FRMD4B: variants seen among roughly 807,000 people sequenced by gnomAD.
The protein encoded by FRMD4B is FERM domain-containing protein 4B.
A neutral mutation model predicts 141.5 loss-of-function variants in FRMD4B; 74 were observed. The ratio of observed to expected loss-of-function variants is 0.52; its 90% CI spans 0.43 to 0.63. The LOEUF (loss-of-function observed/expected upper bound fraction) is 0.63, where lower values mean the gene tolerates loss of function less well. FRMD4B is among the 30% of genes least tolerant of loss of function. FRMD4B has a pLI of 0.00. For synonymous variants in FRMD4B, 506 were observed against 467.9 expected (o/e 1.08, Z -1.05); for missense variants, 1,366 against 1,253.4 (o/e 1.09, Z -1.36).
intron 7 of FRMD4B, among the ~76,000 whole-genome samples, chr3:69,246,133 G>A (rs1364887007): frequency 6.6e-6 from 1 of 152,106 alleles, no homozygotes; most frequent in Non-Finnish European, 1.5e-5. Flanking sequence ...CACTGTGCTC[G>A]GCACCCGGCG....
chr3:69,259,897 T>G (rs9872985), intron 5 of FRMD4B, among the ~76,000 whole-genome samples: 1 of 152,164 alleles, frequency 6.6e-6, no homozygotes, highest in Non-Finnish European at 1.5e-5. Flanking sequence ...GCTCAAGAGA[T>G]CCTTTGGCCA....
intron 1 of FRMD4B, among the ~76,000 whole-genome samples, chr3:69,380,209 T>G (rs1333944802): frequency 6.6e-6 from 1 of 152,176 alleles, no homozygotes; most frequent in Admixed American, 6.5e-5. Context: ...TAAAAGAGCA[T>G]GTGCTCTACC....
chr3:69,259,225 A>G (rs2093511312), intron 5 of FRMD4B, among the ~76,000 whole-genome samples: 1 of 152,190 alleles, frequency 6.6e-6, no homozygotes, highest in African/African-American at 2.4e-5. Flanking sequence ...GCAGTTCACA[A>G]TAGGGTTTAT....
chr3:69,265,877 C>A (rs113301042), intron 5 of FRMD4B, among the ~76,000 whole-genome samples: 2 of 152,130 alleles, frequency 1.3e-5, no homozygotes, highest in African/African-American at 4.8e-5. Context: ...TTAGAGAAAG[C>A]CTGGACTGTC....
At chr3:69,409,871 C>T (rs1183234380) in intron 2 of FRMD4B, among the ~76,000 whole-genome samples, 1 of 152,206 alleles carries the variant, frequency 6.6e-6, no homozygotes, top group African/African-American at 2.4e-5. Flanking sequence ...TCAGAGAACA[C>T]TGGCAGCCTC....
At chr3:69,271,352 C>T (rs940022254) in intron 5 of FRMD4B, among the ~76,000 whole-genome samples, 1 of 152,180 alleles carries the variant, frequency 6.6e-6, no homozygotes. Flanking sequence ...TTGTCCTCTG[C>T]TTTATGACTA....
chr3:69,437,273 T>C (rs1242268159), intron 1 of FRMD4B, among the ~76,000 whole-genome samples: 4 of 151,932 alleles, frequency 2.6e-5, no homozygotes. Context: ...GGTCTCACTA[T>C]GTTGCTCAGG....
intron 1 of FRMD4B, among the ~76,000 whole-genome samples, chr3:69,355,973 T>C (rs941093909): frequency 3.3e-5 from 5 of 151,946 alleles, no homozygotes; most frequent in African/African-American, 9.7e-5. Context: ...TGCAGTGAGC[T>C]GAGATCACAC....
At position 69,193,634 on chromosome 3, in the gene FRMD4B, T is replaced by G. The variant is rs760706533; in HGVS notation, c.1714+14A>C. ...GTAGGGGACTCAAAAAAAAAAACCT[T>G]ACTTATTACTAACCTGGTAACACTG... On this transcript the variant is annotated intron_variant, in intron 17 of 22. Coordinates refer to ENST00000398540, the MANE Select transcript of FRMD4B (RefSeq NM_015123.3). 17 of 1,524,342 alleles carry G rather than the reference T, an allele frequency of 1.1e-5. No homozygotes were observed. The East Asian group carries it at 3.6e-4, about 32-fold the overall frequency. 94.4% of individuals were successfully genotyped at this position (1,524,342 alleles called of 1,614,324 possible). A position where few individuals can be genotyped will look rare whatever the true frequency, so the allele number is the denominator to read the frequency against.
chr3:69,446,148 C>T (rs1705407517), intron 1 of FRMD4B, among the ~76,000 whole-genome samples: 1 of 152,002 alleles, frequency 6.6e-6, no homozygotes, highest in Non-Finnish European at 1.5e-5. Context: ...CTGCCTCAGC[C>T]TCCTGAGTAG....
At chr3:69,482,506 A>G (rs1706141806) in intron 1 of FRMD4B, among the ~76,000 whole-genome samples, 1 of 152,166 alleles carries the variant, frequency 6.6e-6, no homozygotes, top group Non-Finnish European at 1.5e-5. Flanking sequence ...GAGAGGGGGA[A>G]TGGGGAGAAA....
intron 1 of FRMD4B, among the ~76,000 whole-genome samples, chr3:69,476,372 A>T (rs999028634): frequency 6.6e-6 from 1 of 152,104 alleles, no homozygotes; most frequent in Admixed American, 6.5e-5. Context: ...TCTTGAATTA[A>T]TTTTTTTATA....
intron 1 of FRMD4B, among the ~76,000 whole-genome samples, chr3:69,511,304 G>T (rs901341886): frequency 1.3e-5 from 2 of 151,936 alleles, no homozygotes; most frequent in Non-Finnish European, 2.9e-5. Context: ...AACTGAAAAA[G>T]AATTTATAAT....
At chr3:69,485,197 G>A (rs1706194819) in intron 1 of FRMD4B, among the ~76,000 whole-genome samples, 1 of 152,222 alleles carries the variant, frequency 6.6e-6, no homozygotes, top group African/African-American at 2.4e-5. Context: ...ACACCCGGCT[G>A]GGCTGTGACA....
intron 1 of FRMD4B, among the ~76,000 whole-genome samples, chr3:69,478,455 G>C (rs1377261810): frequency 4.6e-5 from 7 of 152,066 alleles, no homozygotes; most frequent in Non-Finnish European, 1.0e-4. Flanking sequence ...CCTTCATTTC[G>C]TTAGGTACCC....
intron 1 of FRMD4B, among the ~76,000 whole-genome samples, chr3:69,458,564 C>T (rs555105093): frequency 6.6e-6 from 1 of 152,062 alleles, no homozygotes. Context: ...GCTAATTAAC[C>T]ATGTTACAGG....
intron 1 of FRMD4B, among the ~76,000 whole-genome samples, chr3:69,327,670 G>C (rs940806640): frequency 2.0e-5 from 3 of 152,162 alleles, no homozygotes; most frequent in East Asian, 1.9e-4. Context: ...AAAACAAACG[G>C]ATTGTATTAG....
chr3:69,522,087 C>A (rs1439693951), intron 1 of FRMD4B, among the ~76,000 whole-genome samples: 1 of 152,050 alleles, frequency 6.6e-6, no homozygotes, highest in Non-Finnish European at 1.5e-5. Context: ...GACTCAGATT[C>A]TTCGGATACA....
At chr3:69,435,683 A>T (rs1431105077) in intron 1 of FRMD4B, among the ~76,000 whole-genome samples, 1 of 152,160 alleles carries the variant, frequency 6.6e-6, no homozygotes, top group Non-Finnish European at 1.5e-5. Flanking sequence ...AAACTGTGTT[A>T]ATCAGGTTTC....
Sources: allele counts gnomAD v4.1 joint callset (sites outside exome capture counted in the v4.1 genomes callset), GRCh38; gene constraint gnomAD v4.1.1; transcripts MANE v1.5; gene names NCBI Gene and HGNC (gene_info 2026-07-23, HGNC 2026-07-21).